MYOF: variants seen among roughly 807,000 people sequenced by gnomAD.
The protein encoded by MYOF is fer-1-like 3, myoferlin.
In MYOF, 244 loss-of-function variants were observed where a neutral mutation model predicts 284.2. The ratio of observed to expected loss-of-function variants is 0.86; its 90% CI spans 0.77 to 0.95. The LOEUF is 0.95. MYOF is among the 40% of genes least tolerant of loss of function. MYOF has a pLI of 0.00. For missense variants in MYOF, 2,496 were observed against 2,560.6 expected, an observed-to-expected ratio of 0.97 and a Z score of 0.54; for synonymous variants, 904 against 919.7, an observed-to-expected ratio of 0.98 and a Z score of 0.31.
intron 10 of MYOF, 39 bp from the exon 11 acceptor site, chr10:93,402,386 A>G (rs1847337494): frequency 1.3e-6 from 2 of 1,487,546 alleles, no homozygotes; most frequent in Admixed American, 1.7e-5. Context: ...GGACATGCTA[A>G]AAAGGTACTG....
At chr10:93,333,353 C>T (rs745677242) in intron 42 of MYOF, 41 bp from the exon 43 acceptor site, 47 of 1,555,246 alleles carry the variant, frequency 3.0e-5, no homozygotes, top group Non-Finnish European at 3.9e-5. Flanking sequence ...CATTGTAGGG[C>T]GCAAGGTGAA....
intron 5 of MYOF, 66 bp downstream of exon 5, chr10:93,426,005 A>T: frequency 4.8e-6 from 7 of 1,471,966 alleles, no homozygotes; most frequent in Non-Finnish European, 6.5e-6. Flanking sequence ...TTCTCCAGAC[A>T]CTCTCCTGTG....
At position 93,337,656 on chromosome 10, in the gene MYOF, GA is replaced by G. The variant is rs538506865; in HGVS notation, c.4437+158del. On this transcript the variant is annotated intron_variant, in intron 40 of 53. Transcript: ENST00000359263. ...AAGTCCCTGGAATCTTGGCAAAGCC[GA>G]AACTCATGCAAGAGGGCTCTCCGGG... 1.3e-3 allele frequency: 765 copies of G among 592,156 alleles called. 4 individuals carry two copies. The highest frequency in any genetic ancestry group is 1.2e-3 in the Non-Finnish European group (391 of 337,766). The allele number at this position is 592,156 out of a possible 1,614,324, so 36.7% of individuals were successfully genotyped here.
At chr10:93,450,114 C>G (rs2056548200) in intron 3 of MYOF, among the ~76,000 whole-genome samples, 1 of 152,072 alleles carries the variant, frequency 6.6e-6, no homozygotes, top group Non-Finnish European at 1.5e-5. Context: ...CAAAAATAGG[C>G]CGGGTGCAGT....
Position 93,374,977 on chromosome 10 carries a change from GA to G in MYOF, c.2109-23del, listed in dbSNP as rs1564661476. 3 of 1,598,664 alleles carry G rather than the reference GA, an allele frequency of 1.9e-6. No homozygotes were observed. In the South Asian group the frequency reaches 3.4e-5, roughly 18 times the overall value. ...GTATCTAGAAAAATGAAGAAAAAAA[GA>G]AACAGAGGATTTGAAGAATAACCTA... is the stretch of plus-strand genomic sequence containing the variant. On this transcript the variant is annotated intron_variant, in intron 22 of 53. Transcript: ENST00000359263.
intron 37 of MYOF, 74 bp from the exon 38 acceptor site, chr10:93,344,006 G>A: frequency 1.3e-6 from 2 of 1,518,262 alleles, no homozygotes. Context: ...CCAAGTTCAA[G>A]TTTAACAGCC....
chr10:93,337,600 G>A, intron 40 of MYOF: 1 of 486,270 alleles, frequency 2.1e-6, no homozygotes, highest in Non-Finnish European at 3.6e-6. Flanking sequence ...CAATGTGGCA[G>A]TCACGTAACC....
chr10:93,445,244 T>A (rs532431536), intron 3 of MYOF, among the ~76,000 whole-genome samples: 1 of 152,324 alleles, frequency 6.6e-6, no homozygotes, highest in African/African-American at 2.4e-5. Flanking sequence ...GAGCTGACTC[T>A]AACACACACC....
chr10:93,317,484 A>G (rs1003238177), intron 49 of MYOF, among the ~76,000 whole-genome samples: 9 of 152,058 alleles, frequency 5.9e-5, no homozygotes, highest in Admixed American at 1.3e-4. Flanking sequence ...TAAAAATACA[A>G]AACATAGCTG....
intron 1 of MYOF, among the ~76,000 whole-genome samples, chr10:93,475,918 T>A (rs545435145): frequency 6.6e-6 from 1 of 152,072 alleles, no homozygotes; most frequent in African/African-American, 2.4e-5. Flanking sequence ...CTTTGGGGAG[T>A]GTACCTTTGA....
chr10:93,363,968 G>T lies in MYOF; in HGVS notation c.2861C>A (p.Thr954Lys). ...GDWKPAEDTY[T>K]DANGDKAASP... Reference sequence around the variant, plus strand: ...CCGGAGCAGGCCACTCACCGCATCCGTGTAGGTGTCCTCGGCCGGCTTCCA... The same window carrying T: ...CCGGAGCAGGCCACTCACCGCATCCTTGTAGGTGTCCTCGGCCGGCTTCCA... The change falls in exon 27 of 54, where the codon ACG becomes AAG. Residue 954 changes from threonine (T) to lysine (K), a missense_variant. Thr to Lys is a moderately conservative substitution (Grantham distance 78). This residue lies in a region of MYOF where 2,436 missense variants were observed against 2,480.7 expected (regional missense o/e 0.98). Coordinates refer to ENST00000359263, the MANE Select transcript of MYOF (RefSeq NM_013451.4). The T allele has an allele frequency of 1.2e-6, 2 of 1,614,110 alleles. No homozygotes were observed. Among genetic ancestry groups the T allele is most frequent in the Non-Finnish European group, 1.7e-6 (2 of 1,179,968 alleles).
At chr10:93,444,749 C>T (rs940195016) in intron 3 of MYOF, among the ~76,000 whole-genome samples, 1 of 152,228 alleles carries the variant, frequency 6.6e-6, no homozygotes, top group African/African-American at 2.4e-5. Context: ...TGTGTGTCCA[C>T]GTGTGCATAC....
At chr10:93,476,716 ACT>A (rs1209489247) in intron 1 of MYOF, among the ~76,000 whole-genome samples, 1 of 152,134 alleles carries the variant, frequency 6.6e-6, no homozygotes, top group Non-Finnish European at 1.5e-5. Flanking sequence ...AGAAAAAAGG[ACT>A]CTCTGAGAGG....
At chr10:93,398,452 C>T (rs868051436) in intron 13 of MYOF, among the ~76,000 whole-genome samples, 1 of 152,118 alleles carries the variant, frequency 6.6e-6, no homozygotes, top group South Asian at 2.1e-4. Flanking sequence ...TCTTCTATTC[C>T]CATGTGTTCG....
intron 25 of MYOF, 41 bp downstream of exon 25, chr10:93,369,604 C>T (rs1248476484): frequency 1.2e-6 from 2 of 1,610,600 alleles, no homozygotes; most frequent in Non-Finnish European, 1.7e-6. Context: ...GTGCCCCTCC[C>T]CCGACCAAAG....
At chr10:93,342,996 A>G (rs2133855531) in intron 38 of MYOF, among the ~76,000 whole-genome samples, 1 of 152,268 alleles carries the variant, frequency 6.6e-6, no homozygotes, top group East Asian at 1.9e-4. Context: ...GGCTGTGGAG[A>G]CTATATTTTA....
intron 23 of MYOF, 22 bp downstream of exon 23, chr10:93,374,741 T>G (rs372515734): frequency 3.0e-5 from 48 of 1,607,530 alleles, no homozygotes; most frequent in Non-Finnish European, 3.5e-5. Context: ...CAGGTGACGT[T>G]TGTGTAGTTT....
chr10:93,404,520 C>T (rs866338449), intron 7 of MYOF, among the ~76,000 whole-genome samples: 1 of 151,220 alleles, frequency 6.6e-6, no homozygotes, highest in South Asian at 2.1e-4. Context: ...TGTAAAGATC[C>T]AAAGCTAAGC....
At chr10:93,455,276 T>G (rs1014864339) in intron 2 of MYOF, among the ~76,000 whole-genome samples, 4 of 146,566 alleles carry the variant, frequency 2.7e-5, no homozygotes, top group African/African-American at 1.0e-4. Context: ...CGAAACTCCA[T>G]CTCAAAAAAA....
Sources: allele counts gnomAD v4.1 joint callset (sites outside exome capture counted in the v4.1 genomes callset), GRCh38; gene constraint gnomAD v4.1.1; regional missense constraint gnomAD v4.1.1; transcripts MANE v1.5; gene names NCBI Gene and HGNC (gene_info 2026-07-23, HGNC 2026-07-21).